The following CSMD1 variants were observed in gnomAD, a reference collection of about 807,000 sequenced individuals.
The protein encoded by CSMD1 is CUB and sushi domain-containing protein 1.
CSMD1 carries 213 observed loss-of-function variants against 417.5 expected under a neutral mutation model. That is an observed-to-expected ratio of 0.51 (90% CI 0.46 to 0.57). CSMD1 has a LOEUF of 0.57. CSMD1 is among the 20% of genes least tolerant of loss of function. The pLI, the probability that CSMD1 is intolerant of heterozygous loss-of-function variation, is 0.00. For missense variants in CSMD1, 6,923 were observed against 4,529.7 expected (o/e 1.53, Z -15.17); for synonymous variants, 2,862 against 1,736.8 (o/e 1.65, Z -16.11).
At chr8:4,492,130 G>A (rs770385570) in intron 2 of CSMD1, among the ~76,000 whole-genome samples, 5 of 152,082 alleles carry the variant, frequency 3.3e-5, no homozygotes, top group African/African-American at 7.2e-5. Flanking sequence ...AGGGTCTTAC[G>A]CTATTGTCCA....
intron 5 of CSMD1, among the ~76,000 whole-genome samples, chr8:3,982,197 A>ATT (rs1554506372): frequency 2.8e-5 from 3 of 105,540 alleles, no homozygotes; most frequent in Admixed American, 8.5e-5. Flanking sequence ...TAATATTAAT[A>ATT]AAAAAAATAA....
In CSMD1 at chr8:4,518,134, C is replaced by G. The variant is rs188936798; in HGVS notation, c.303-98069G>C. ...TCTGAATTACAGTATTATGTTTTTA[C>G]TGGAAATATAACTTGCCATAAGACA... On this transcript the variant is annotated intron_variant, in intron 2 of 69. Coordinates refer to ENST00000635120, the MANE Select transcript of CSMD1 (RefSeq NM_033225.6). Among the ~76,000 whole-genome samples the G allele has an allele frequency of 5.9e-5, 9 of 152,218 alleles. No homozygotes were observed. The East Asian group carries it at 1.7e-3, about 29-fold the overall frequency.
intron 7 of CSMD1, among the ~76,000 whole-genome samples, chr8:3,701,386 CAG>C (rs1035417301): frequency 3.4e-4 from 52 of 152,084 alleles, no homozygotes; most frequent in Non-Finnish European, 2.9e-4. Context: ...CTACAGATCC[CAG>C]AGAGAGAACA....
intron 2 of CSMD1, among the ~76,000 whole-genome samples, chr8:4,432,328 C>G (rs1019534912): frequency 1.3e-5 from 2 of 152,142 alleles, no homozygotes; most frequent in African/African-American, 4.8e-5. Context: ...AAGTAACTTA[C>G]TCAAAGGACT....
chr8:3,949,368 T>A (rs567066925), intron 5 of CSMD1, among the ~76,000 whole-genome samples: 12 of 152,270 alleles, frequency 7.9e-5, no homozygotes, highest in African/African-American at 2.9e-4. Flanking sequence ...AATCTCACAG[T>A]CCCTGGAAAC....
intron 2 of CSMD1, among the ~76,000 whole-genome samples, chr8:4,458,321 G>C (rs1361324765): frequency 2.0e-5 from 3 of 151,978 alleles, no homozygotes; most frequent in Non-Finnish European, 4.4e-5. Flanking sequence ...GTGCGCACAA[G>C]GGATCGATTA....
chr8:3,136,339 C>T (rs1194954473), intron 41 of CSMD1, among the ~76,000 whole-genome samples: 1 of 150,794 alleles, frequency 6.6e-6, no homozygotes, highest in Non-Finnish European at 1.5e-5. Context: ...TCACTACAAA[C>T]CCCGGTCTCT....
intron 50 of CSMD1, among the ~76,000 whole-genome samples, chr8:3,050,382 T>C (rs1022739589): frequency 6.6e-6 from 1 of 152,192 alleles, no homozygotes; most frequent in Non-Finnish European, 1.5e-5. Context: ...CTATTTGAAA[T>C]ATTTGGCAGG....
intron 1 of CSMD1, among the ~76,000 whole-genome samples, chr8:4,775,538 C>T (rs559621710): frequency 6.6e-6 from 1 of 151,934 alleles, no homozygotes; most frequent in Non-Finnish European, 1.5e-5. Flanking sequence ...ATCAGAAGGA[C>T]CAAGGGTAAC....
chr8:4,917,940 C>G (rs922724572), intron 1 of CSMD1, among the ~76,000 whole-genome samples: 4 of 152,076 alleles, frequency 2.6e-5, no homozygotes, highest in Non-Finnish European at 2.9e-5. Flanking sequence ...GAAGTTGATA[C>G]AGAAAATATG....
chr8:4,308,596 A>G (rs1798384187), intron 3 of CSMD1, among the ~76,000 whole-genome samples: 1 of 152,146 alleles, frequency 6.6e-6, no homozygotes, highest in Non-Finnish European at 1.5e-5. Context: ...TCCTTAGAAT[A>G]ATGGAGAGAA....
At position 4,129,988 on chromosome 8, in the gene CSMD1, G is replaced by A. The variant is rs148559176; in HGVS notation, c.416-97889C>T. On this transcript the variant is annotated intron_variant, in intron 3 of 69. Coordinates refer to ENST00000635120, the MANE Select transcript of CSMD1 (RefSeq NM_033225.6). ...TTTCTTCCCAGTTGCTTTACCCTATGTGTTTATTGGGAATTTTGCCTTTCT... is the reference window on the plus strand; with the variant it reads ...TTTCTTCCCAGTTGCTTTACCCTATATGTTTATTGGGAATTTTGCCTTTCT... Among the ~76,000 whole-genome samples, 101 of 152,130 alleles carry A rather than the reference G, an allele frequency of 6.6e-4. 1 individual carries two copies. In the East Asian group the frequency reaches 0.018, roughly 28 times the overall value.
At chr8:3,799,840 A>G (rs1250720287) in intron 5 of CSMD1, among the ~76,000 whole-genome samples, 1 of 152,162 alleles carries the variant, frequency 6.6e-6, no homozygotes, top group East Asian at 1.9e-4. Context: ...ACATGAGGCT[A>G]GGTTTTGGAA....
chr8:4,069,115 G>C (rs1051586052), intron 3 of CSMD1, among the ~76,000 whole-genome samples: 2 of 152,072 alleles, frequency 1.3e-5, no homozygotes, highest in Non-Finnish European at 2.9e-5. Context: ...TTGATTTCCT[G>C]AAGGGAAATA....
At position 3,592,155 on chromosome 8, in the gene CSMD1, T is replaced by C. The variant is rs73489596; in HGVS notation, c.1098-5895A>G. 8.9e-3 allele frequency among the ~76,000 whole-genome samples: 1,354 copies of C among 152,072 alleles called. 23 individuals are homozygous for C. The highest frequency in any genetic ancestry group is 0.03 in the African/African-American group (1,241 of 41,496). On this transcript the variant is annotated intron_variant, in intron 8 of 69. Transcript: ENST00000635120. The stretch of plus-strand genomic sequence containing the variant: ...AGATGAATGGATAGGTAAGTAGATA[T>C]CCATCTGGTTAGGTAGATAGATTGA...
chr8:4,228,649 T>C (rs1801514062), intron 3 of CSMD1, among the ~76,000 whole-genome samples: 1 of 151,404 alleles, frequency 6.6e-6, no homozygotes, highest in Non-Finnish European at 1.5e-5. Context: ...CTCACCCATT[T>C]GCAGATGACT....
chr8:3,913,461 C>T (rs985762873), intron 5 of CSMD1, among the ~76,000 whole-genome samples: 1 of 152,138 alleles, frequency 6.6e-6, no homozygotes, highest in African/African-American at 2.4e-5. Context: ...AACCTCCAGA[C>T]TGGAAGAAGC....
chr8:4,792,323 AAAG>A (rs1481192799), intron 1 of CSMD1, among the ~76,000 whole-genome samples: 1 of 152,224 alleles, frequency 6.6e-6, no homozygotes, highest in African/African-American at 2.4e-5. Context: ...TAAAATTCTT[AAAG>A]TAGTCCAGTA....
At chr8:3,671,434 G>C (rs1799028509) in intron 7 of CSMD1, among the ~76,000 whole-genome samples, 1 of 143,680 alleles carries the variant, frequency 7.0e-6, no homozygotes, top group Non-Finnish European at 1.5e-5. Flanking sequence ...TATATATATA[G>C]TCACATATAA....
Sources: gnomAD v4.1 joint callset for allele counts (sites outside exome capture counted in the v4.1 genomes callset) on GRCh38, gnomAD v4.1.1 for gene constraint, MANE v1.5 for transcripts, NCBI Gene and HGNC (gene_info 2026-07-23, HGNC 2026-07-21) for gene names.